GABRB2: variants seen among roughly 807,000 people sequenced by gnomAD.
GABRB2 encodes gamma-aminobutyric acid type A receptor subunit beta2.
Under a neutral mutation model 54.7 loss-of-function variants are expected in GABRB2, and 16 were observed. The observed-to-expected ratio is 0.29, with a 90% CI of 0.20 to 0.44. The LOEUF is 0.44. Ranked by LOEUF, GABRB2 falls within the 20% of genes least tolerant of loss-of-function variation. The pLI, the probability that GABRB2 is intolerant of heterozygous loss-of-function variation, is 1.00. For missense variants in GABRB2, 355 were observed against 644.0 expected, an observed-to-expected ratio of 0.55 and a Z score of 4.86; for synonymous variants, 244 against 233.8, an observed-to-expected ratio of 1.04 and a Z score of -0.40.
intron 9 of GABRB2, among the ~76,000 whole-genome samples, chr5:161,309,917 C>T (rs1757811344): frequency 6.6e-6 from 1 of 152,126 alleles, no homozygotes; most frequent in East Asian, 1.9e-4. Context: ...AGGCTTGAGC[C>T]ACCGCGCCTG....
At chr5:161,380,717 T>C (rs186208626) in intron 5 of GABRB2, among the ~76,000 whole-genome samples, 10 of 152,206 alleles carry the variant, frequency 6.6e-5, no homozygotes, top group Non-Finnish European at 1.2e-4. Context: ...TGCAGAAAAT[T>C]TGAAAACCAT....
intron 5 of GABRB2, among the ~76,000 whole-genome samples, chr5:161,393,548 A>G (rs1755901388): frequency 1.3e-5 from 2 of 151,940 alleles, no homozygotes; most frequent in Admixed American, 1.3e-4. Context: ...AGATAAAATA[A>G]AAATAAACAA....
intron 5 of GABRB2, among the ~76,000 whole-genome samples, chr5:161,344,402 C>G (rs1318663043): frequency 1.3e-5 from 2 of 152,056 alleles, no homozygotes; most frequent in African/African-American, 4.8e-5. Flanking sequence ...GAATACTGCA[C>G]TCTGGCATTG....
intron 3 of GABRB2, among the ~76,000 whole-genome samples, chr5:161,477,284 C>CAAAAAAAAAAAA (rs70990786): frequency 7.8e-6 from 1 of 127,850 alleles, no homozygotes. Context: ...CAAACAAAAG[C>CAAAAAAAAAAAA]AAAAAAAAAA....
chr5:161,349,340 A>G (rs1180676472), intron 5 of GABRB2, among the ~76,000 whole-genome samples: 3 of 152,152 alleles, frequency 2.0e-5, no homozygotes, highest in Admixed American at 1.3e-4. Context: ...GCCATTTATT[A>G]AACAATCATC....
intron 3 of GABRB2, among the ~76,000 whole-genome samples, chr5:161,541,233 G>T (rs943249304): frequency 6.6e-6 from 1 of 150,694 alleles, no homozygotes; most frequent in Non-Finnish European, 1.5e-5. Flanking sequence ...AAATCATGCT[G>T]TAAACAGATA....
At chr5:161,518,358 A>T (rs1760014380) in intron 3 of GABRB2, among the ~76,000 whole-genome samples, 2 of 152,186 alleles carry the variant, frequency 1.3e-5, no homozygotes, top group African/African-American at 4.8e-5. Flanking sequence ...TGGAGGCCTC[A>T]TACAGACCTC....
At chr5:161,365,961 TG>T in intron 5 of GABRB2, among the ~76,000 whole-genome samples, 1 of 151,696 alleles carries the variant, frequency 6.6e-6, no homozygotes, top group Non-Finnish European at 1.5e-5. Flanking sequence ...TCCTTATGCC[TG>T]GGGTTATACT....
chr5:161,425,745 T>C (rs1397696333), intron 4 of GABRB2, among the ~76,000 whole-genome samples: 1 of 152,168 alleles, frequency 6.6e-6, no homozygotes. Flanking sequence ...TTATTAAATC[T>C]ATCAGAAGTT....
intron 5 of GABRB2, among the ~76,000 whole-genome samples, chr5:161,360,765 A>G (rs918022050): frequency 6.6e-6 from 1 of 152,186 alleles, no homozygotes; most frequent in Non-Finnish European, 1.5e-5. Context: ...TCCTGATGCA[A>G]ATACCTTTCT....
intron 5 of GABRB2, among the ~76,000 whole-genome samples, chr5:161,388,316 G>A (rs1755709397): frequency 6.6e-6 from 1 of 152,050 alleles, no homozygotes; most frequent in African/African-American, 2.4e-5. Flanking sequence ...GTCAATAGAA[G>A]AAGGCTTTAA....
At chr5:161,371,278 T>G (rs986014731) in intron 5 of GABRB2, among the ~76,000 whole-genome samples, 3 of 152,202 alleles carry the variant, frequency 2.0e-5, no homozygotes, top group African/African-American at 7.2e-5. Flanking sequence ...AAATAATGAC[T>G]AATTGTTTAA....
intron 9 of GABRB2, among the ~76,000 whole-genome samples, chr5:161,314,656 A>G (rs781460610): frequency 6.6e-6 from 1 of 151,920 alleles, no homozygotes; most frequent in Non-Finnish European, 1.5e-5. Flanking sequence ...TGTTCATGGA[A>G]AACAGTTTCT....
chr5:161,496,229 A>G (rs1240949719), intron 3 of GABRB2, among the ~76,000 whole-genome samples: 2 of 152,152 alleles, frequency 1.3e-5, no homozygotes, highest in East Asian at 1.9e-4. Flanking sequence ...TTTCCTACCC[A>G]TAAGATGTGA....
rs369413194 is a variant in GABRB2, at chr5:161,383,950, C to T, written c.541+27025G>A. 4.8e-4 allele frequency among the ~76,000 whole-genome samples: 73 copies of T among 152,218 alleles called. 1 individual carries two copies. In the South Asian group the frequency reaches 7.0e-3, roughly 15 times the overall value. On this transcript the variant is annotated intron_variant, in intron 5 of 9. Coordinates refer to ENST00000393959, the MANE Select transcript of GABRB2 (RefSeq NM_001371727.1). ...ACGCGCAAGCTGGAGTGCAGTGGTG[C>T]GATCTCGGCTCATTGCAACCTCCAC... is the stretch of plus-strand genomic sequence containing the variant.
chr5:161,538,226 C>T (rs944906032), intron 3 of GABRB2, among the ~76,000 whole-genome samples: 4 of 152,090 alleles, frequency 2.6e-5, no homozygotes, highest in Non-Finnish European at 5.9e-5. Flanking sequence ...TTGTGGCATT[C>T]GCCCGGGGTC....
At chr5:161,445,587 T>C (rs534644410) in intron 4 of GABRB2, among the ~76,000 whole-genome samples, 3 of 152,262 alleles carry the variant, frequency 2.0e-5, no homozygotes, top group African/African-American at 7.2e-5. Flanking sequence ...TTAAGTCTGA[T>C]AAGAAACATT....
chr5:161,310,594 C>T (rs1012570793), intron 9 of GABRB2, among the ~76,000 whole-genome samples: 2 of 152,138 alleles, frequency 1.3e-5, no homozygotes, highest in Admixed American at 6.5e-5. Context: ...CTCAAAATTG[C>T]AATCATTTCA....
intron 9 of GABRB2, among the ~76,000 whole-genome samples, chr5:161,315,298 T>C (rs1175037366): frequency 6.6e-6 from 1 of 152,186 alleles, no homozygotes; most frequent in Non-Finnish European, 1.5e-5. Context: ...GTTAAGTCTT[T>C]CACTCTTTGC....
Sources: gnomAD v4.1 joint callset for allele counts (sites outside exome capture counted in the v4.1 genomes callset) on GRCh38, gnomAD v4.1.1 for gene constraint, MANE v1.5 for transcripts, NCBI Gene and HGNC (gene_info 2026-07-23, HGNC 2026-07-21) for gene names.